GATAD2A: variants seen among roughly 807,000 people sequenced by gnomAD.
GATAD2A encodes the protein GATA zinc finger domain containing 2A.
GATAD2A carries 12 observed loss-of-function variants against 68.5 expected under a neutral mutation model. That is an observed-to-expected ratio of 0.18 (90% CI 0.11 to 0.28). The LOEUF is 0.28. GATAD2A is among the 10% of genes least tolerant of loss of function. The pLI is 1.00. For synonymous variants in GATAD2A, 410 were observed against 375.3 expected, an observed-to-expected ratio of 1.09 and a Z score of -1.07; for missense variants, 755 against 868.5, an observed-to-expected ratio of 0.87 and a Z score of 1.64.
In GATAD2A at chr19:19,507,249, A is replaced by G. The variant is rs550934096; in HGVS notation, c.*1775A>G. 8 of 117,214 alleles carry G rather than the reference A, an allele frequency of 6.8e-5. No individual in the cohort carries two copies. The highest frequency in any genetic ancestry group is 6.5e-4 in the Admixed American group (7 of 10,770). 7.3% of individuals were successfully genotyped at this position (117,214 alleles called of 1,614,324 possible). A position where few individuals can be genotyped will look rare whatever the true frequency, so the allele number is the denominator to read the frequency against. ...TGGGAGGGGAGGGTGTGTTTTTTAC[A>G]CCAAAAAAAAAAAAAAAAATCAAGA... On this transcript the variant is annotated 3_prime_UTR_variant, in exon 12 of 12. Transcript: ENST00000683918.
chr19:19,389,825 C>G (rs989303889), intron 1 of GATAD2A, among the ~76,000 whole-genome samples: 3 of 152,098 alleles, frequency 2.0e-5, no homozygotes, highest in African/African-American at 7.2e-5. Flanking sequence ...TGCAGTGGTG[C>G]GATCTCGGCT....
chr19:19,503,386 G>T (rs1051083550), intron 11 of GATAD2A, among the ~76,000 whole-genome samples: 2 of 152,210 alleles, frequency 1.3e-5, no homozygotes, highest in African/African-American at 4.8e-5. Context: ...AGTGAGGGGC[G>T]TGCCCAGGTG....
At position 19,505,683 on chromosome 19, in the gene GATAD2A, C is replaced by T. The variant is rs1026070460; in HGVS notation, c.*209C>T. 1.2e-5 allele frequency: 6 copies of T among 480,466 alleles called. No homozygotes were observed. Among genetic ancestry groups the T allele is most frequent in the Admixed American group, 8.6e-5 (2 of 23,206 alleles). The allele number at this position is 480,466 out of a possible 1,614,324, so 29.8% of individuals were successfully genotyped here. Reference sequence around the variant, plus strand: ...GGGCTGGTGCCGCCTCATAGGCAGACGAGGATCATCGCTGGGGGACCTTTC... The same window carrying T: ...GGGCTGGTGCCGCCTCATAGGCAGATGAGGATCATCGCTGGGGGACCTTTC... On this transcript the variant is annotated 3_prime_UTR_variant, in exon 12 of 12. Coordinates refer to ENST00000683918, the MANE Select transcript of GATAD2A (RefSeq NM_001384528.1).
At chr19:19,499,712 G>C (rs2060393408) in intron 8 of GATAD2A, among the ~76,000 whole-genome samples, 1 of 152,070 alleles carries the variant, frequency 6.6e-6, no homozygotes, top group South Asian at 2.1e-4. Context: ...CACTTGCGTG[G>C]GGCTGGGCCT....
rs372156363 is a variant in GATAD2A at position 19,396,704 on chromosome 19, T to TTTTC, written c.-7+10582_-7+10585dup. The stretch of plus-strand genomic sequence containing the variant: ...GACCTGTTTGTTAGGTTTCTTTTTC[T>TTTTC]TTTCTTTCTTTCTTTCTTTTTTTTG... On this transcript the variant is annotated intron_variant, in intron 1 of 11. Coordinates refer to the GATAD2A transcript ENST00000360315. 4.4e-3 allele frequency among the ~76,000 whole-genome samples: 674 copies of TTTTC among 152,150 alleles called. 6 individuals are homozygous for TTTTC. The highest frequency in any genetic ancestry group is 0.041 in the South Asian group (199 of 4,814).
At chr19:19,386,860 C>G (rs1858999) in intron 1 of GATAD2A, among the ~76,000 whole-genome samples, 84,789 of 152,026 alleles carry the variant, frequency 0.56, 25,068 homozygotes, top group East Asian at 0.69. Flanking sequence ...AGAATTCCCG[C>G]TTATCTGAGG....
At chr19:19,462,186 C>T (rs1289976409) in intron 1 of GATAD2A, among the ~76,000 whole-genome samples, 1 of 152,246 alleles carries the variant, frequency 6.6e-6, no homozygotes, top group Non-Finnish European at 1.5e-5. Flanking sequence ...TGGGTCTGTG[C>T]TTGCTGTGCG....
At chr19:19,486,239 T>C (rs557935990) in intron 2 of GATAD2A, among the ~76,000 whole-genome samples, 14 of 152,220 alleles carry the variant, frequency 9.2e-5, no homozygotes, top group Non-Finnish European at 1.0e-4. Context: ...GTCAGGCAGA[T>C]GTTTCAGGTT....
chr19:19,486,041 G>A (rs925950400), intron 2 of GATAD2A, among the ~76,000 whole-genome samples: 3 of 152,204 alleles, frequency 2.0e-5, no homozygotes, highest in African/African-American at 7.2e-5. Flanking sequence ...TGAACTCACA[G>A]CCCCAACCCT....
chr19:19,453,973 G>GGT (rs2056662955), intron 1 of GATAD2A, among the ~76,000 whole-genome samples: 2 of 132,334 alleles, frequency 1.5e-5, no homozygotes, highest in South Asian at 2.4e-4. Flanking sequence ...AATTTTTTGT[G>GGT]TTTTTTTTTT....
intron 2 of GATAD2A, among the ~76,000 whole-genome samples, chr19:19,482,957 G>A (rs2059158271): frequency 6.6e-6 from 1 of 152,032 alleles, no homozygotes; most frequent in African/African-American, 2.4e-5. Flanking sequence ...ACTACCCTCA[G>A]CCAAGCTATT....
At chr19:19,441,403 T>G (rs1416078700) in intron 1 of GATAD2A, among the ~76,000 whole-genome samples, 1 of 151,332 alleles carries the variant, frequency 6.6e-6, no homozygotes, top group Non-Finnish European at 1.5e-5. Flanking sequence ...TTTATTTTTA[T>G]TTTTGGGCAG....
intron 1 of GATAD2A, among the ~76,000 whole-genome samples, chr19:19,445,766 A>G (rs142844483): frequency 6.6e-5 from 10 of 152,340 alleles, no homozygotes; most frequent in Non-Finnish European, 1.5e-4. Context: ...TTTATGGCCA[A>G]ATAATATTCC....
chr19:19,444,328 T>C (rs1331927954), intron 1 of GATAD2A, among the ~76,000 whole-genome samples: 1 of 152,164 alleles, frequency 6.6e-6, no homozygotes, highest in East Asian at 1.9e-4. Context: ...CTTAGAGTTG[T>C]GATCTAGGGA....
chr19:19,432,300 GTT>G (rs1345742083), intron 1 of GATAD2A, among the ~76,000 whole-genome samples: 19 of 151,328 alleles, frequency 1.3e-4, no homozygotes, highest in African/African-American at 4.4e-4. Flanking sequence ...TTTTGTTTTT[GTT>G]TTTGTTTTTG....
At chr19:19,406,754 C>A (rs1177375494) in intron 1 of GATAD2A, among the ~76,000 whole-genome samples, 4 of 152,178 alleles carry the variant, frequency 2.6e-5, no homozygotes, top group Non-Finnish European at 5.9e-5. Context: ...CGGAATTGAT[C>A]ACTTCAACAA....
intron 1 of GATAD2A, among the ~76,000 whole-genome samples, chr19:19,397,194 A>C (rs1309439366): frequency 6.6e-6 from 1 of 152,202 alleles, no homozygotes; most frequent in African/African-American, 2.4e-5. Context: ...AGAAAGTTAA[A>C]ATGTGCTATA....
intron 1 of GATAD2A, among the ~76,000 whole-genome samples, chr19:19,411,233 G>T (rs978131712): frequency 6.6e-6 from 1 of 152,246 alleles, no homozygotes; most frequent in Non-Finnish European, 1.5e-5. Context: ...ACCCAACCCA[G>T]CCTTTCTGAT....
chr19:19,463,082 C>T (rs2057579514), intron 1 of GATAD2A, among the ~76,000 whole-genome samples: 2 of 152,172 alleles, frequency 1.3e-5, no homozygotes, highest in Non-Finnish European at 2.9e-5. Flanking sequence ...TGGGAAGCTT[C>T]ATCCGTAGAG....
Sources: allele counts gnomAD v4.1 joint callset (sites outside exome capture counted in the v4.1 genomes callset), GRCh38; gene constraint gnomAD v4.1.1; transcripts MANE v1.5; gene names NCBI Gene and HGNC (gene_info 2026-07-23, HGNC 2026-07-21).